Variants in WDR27 observed in about 807,000 individuals in gnomAD.
WDR27 encodes the protein WD repeat domain 27, also known as WD repeat-containing protein 27.
Under a neutral mutation model 114.4 loss-of-function variants are expected in WDR27, and 100 were observed. The ratio of observed to expected loss-of-function variants is 0.87; its 90% CI spans 0.74 to 1.03. The LOEUF is 1.03. Among genes scored for constraint, WDR27 ranks in the 50% least tolerant of loss-of-function variants. The pLI is 0.00. For missense variants in WDR27, 1,129 were observed against 1,092.9 expected, an observed-to-expected ratio of 1.03 and a Z score of -0.47; for synonymous variants, 449 against 423.1, an observed-to-expected ratio of 1.06 and a Z score of -0.75.
intron 4 of WDR27, among the ~76,000 whole-genome samples, chr6:169,668,984 G>A (rs1410971241): frequency 1.3e-5 from 2 of 152,164 alleles, no homozygotes; most frequent in Non-Finnish European, 2.9e-5. Flanking sequence ...ACTATAACCT[G>A]TGTAGGAATA....
intron 25 of WDR27, among the ~76,000 whole-genome samples, chr6:169,540,556 A>G (rs1319434205): frequency 6.6e-6 from 1 of 151,766 alleles, no homozygotes; most frequent in Non-Finnish European, 1.5e-5. Context: ...CAGCCTCCTG[A>G]GTAGCTGGGA....
chr6:169,667,903 C>T (rs1488535219), intron 5 of WDR27, 79 bp downstream of exon 5: 157 of 1,381,486 alleles, frequency 1.1e-4, no homozygotes, highest in Non-Finnish European at 1.1e-4. Context: ...GGCCGTGAAG[C>T]AACCGCACAG....
At chr6:169,664,495 G>A (rs1037016375) in intron 7 of WDR27, 40 of 1,415,698 alleles carry the variant, frequency 2.8e-5, no homozygotes, top group African/African-American at 1.6e-4. Context: ...ACTTTCACAC[G>A]GCTGGCACAT....
At position 169,693,335 on chromosome 6, in the gene WDR27, G is replaced by A. The variant is rs564036968; in HGVS notation, c.-7-4323C>T. Among the ~76,000 whole-genome samples, 13 of 152,286 alleles carry A rather than the reference G, an allele frequency of 8.5e-5. No homozygotes were observed. In the South Asian group the frequency reaches 2.5e-3, roughly 29 times the overall value. ...CTAGCACTACAAGAAATGGTAAAAGGAGTTCTAAATCTTGAAACAAAACCT... is the reference window on the plus strand; with the variant it reads ...CTAGCACTACAAGAAATGGTAAAAGAAGTTCTAAATCTTGAAACAAAACCT... On this transcript the variant is annotated intron_variant, in intron 1 of 25. Coordinates refer to ENST00000448612, the MANE Select transcript of WDR27 (RefSeq NM_182552.5).
intron 24 of WDR27, among the ~76,000 whole-genome samples, chr6:169,578,937 C>T (rs554821670): frequency 1.1e-4 from 16 of 152,278 alleles, no homozygotes; most frequent in Admixed American, 3.3e-4. Flanking sequence ...TAGACGTCAT[C>T]ACACTCCAGG....
chr6:169,432,090 C>T, the WDR27 span, among the ~76,000 whole-genome samples: 3 of 152,144 alleles, frequency 2.0e-5, no homozygotes, highest in Admixed American at 6.6e-5. Context: ...TAAGTGAAGA[C>T]ACTTGAAAAA....
chr6:169,499,880 G>A (rs1173731617), intron 25 of WDR27, among the ~76,000 whole-genome samples: 2 of 152,220 alleles, frequency 1.3e-5, no homozygotes, highest in African/African-American at 4.8e-5. Flanking sequence ...CAGAACCCAT[G>A]CATGTTCAAT....
downstream of WDR27, among the ~76,000 whole-genome samples, chr6:169,454,463 G>A (rs1249143866): frequency 1.3e-5 from 2 of 152,136 alleles, no homozygotes; most frequent in East Asian, 3.9e-4. Flanking sequence ...AGTGATAACA[G>A]CACCTTTACT....
intron 1 of WDR27, among the ~76,000 whole-genome samples, chr6:169,699,913 T>C (rs1413130434): frequency 2.4e-5 from 3 of 123,774 alleles, no homozygotes; most frequent in South Asian, 2.8e-4. Flanking sequence ...GCCACGGAGG[T>C]TGAAGCTATA....
At chr6:169,543,492 T>A (rs1797076512) in intron 25 of WDR27, among the ~76,000 whole-genome samples, 1 of 152,180 alleles carries the variant, frequency 6.6e-6, no homozygotes, top group Non-Finnish European at 1.5e-5. Context: ...TGAAAAGTTT[T>A]AAAAATATGT....
chr6:169,635,236 G>C lies in WDR27; in HGVS notation c.2004-711C>G, dbSNP rs566222845. ...CAAAAATTAGCCAGGTGTGGTTGGG[G>C]GGCAGGTGGGGGAAGGGGGGCGCCT... is the stretch of plus-strand genomic sequence containing the variant. On this transcript the variant is annotated intron_variant, in intron 19 of 25. Coordinates refer to ENST00000448612, the MANE Select transcript of WDR27 (RefSeq NM_182552.5). Among the ~76,000 whole-genome samples, 10 of 152,132 alleles carry C rather than the reference G, an allele frequency of 6.6e-5. No homozygotes were observed. In the South Asian group the frequency reaches 2.1e-3, roughly 32 times the overall value.
chr6:169,644,337 C>G (rs982140744), intron 16 of WDR27, among the ~76,000 whole-genome samples: 2 of 151,574 alleles, frequency 1.3e-5, no homozygotes, highest in African/African-American at 4.9e-5. Context: ...TCACACGAGT[C>G]ACACTGTAGA....
rs1807887920 is a variant in WDR27, at chr6:169,601,090, C to G, written c.2424+1129G>C. On this transcript the variant is annotated intron_variant, in intron 23 of 25. Coordinates refer to ENST00000448612, the MANE Select transcript of WDR27 (RefSeq NM_182552.5). ...AGGTCGGGTTACCCACAAAGGGAAG[C>G]CCATCAGACTAACAGCTGATCTCTC... 3.3e-5 allele frequency among the ~76,000 whole-genome samples: 5 copies of G among 152,290 alleles called. 1 individual carries two copies. The Middle Eastern group carries it at 0.014, about 414-fold the overall frequency.
chr6:169,428,428 T>C, the WDR27 span, among the ~76,000 whole-genome samples: 13 of 152,238 alleles, frequency 8.5e-5, no homozygotes, highest in African/African-American at 3.1e-4. Flanking sequence ...TTGTTATGTA[T>C]TCATTATCTG....
At chr6:169,575,504 G>T (rs1802185330) in intron 24 of WDR27, among the ~76,000 whole-genome samples, 1 of 152,094 alleles carries the variant, frequency 6.6e-6, no homozygotes, top group South Asian at 2.1e-4. Context: ...CTGGGAGGTT[G>T]GTCTTATCGC....
chr6:169,659,242 C>T lies in WDR27; in HGVS notation c.1198-35G>A. The T allele has an allele frequency of 6.4e-7, 1 of 1,568,342 alleles. No homozygotes were observed. On this transcript the variant is annotated intron_variant, in intron 11 of 25. Coordinates refer to ENST00000448612, the MANE Select transcript of WDR27 (RefSeq NM_182552.5). This position sits in a 1 kb window ranked among gnomAD's most constrained non-coding sequence, Gnocchi z 4.3. ...CGCGGTTTCAACATCGTTAGCGACACCACCCAGTAAAAGCAGACGAAACGT... is the reference window on the plus strand; with the variant it reads ...CGCGGTTTCAACATCGTTAGCGACATCACCCAGTAAAAGCAGACGAAACGT...
At chr6:169,579,352 A>T (rs1038121855) in intron 24 of WDR27, among the ~76,000 whole-genome samples, 1 of 152,180 alleles carries the variant, frequency 6.6e-6, no homozygotes, top group Non-Finnish European at 1.5e-5. Context: ...TTATCATAAG[A>T]TATATGTTTT....
chr6:169,632,913 A>G, intron 21 of WDR27, 34 bp downstream of exon 21: 1 of 1,561,858 alleles, frequency 6.4e-7, no homozygotes. Context: ...ACATAGTTTT[A>G]CAGATGATAC....
chr6:169,501,879 A>G (rs1395535704), intron 25 of WDR27, among the ~76,000 whole-genome samples: 2 of 151,984 alleles, frequency 1.3e-5, no homozygotes, highest in Admixed American at 1.3e-4. Context: ...ATGAAGCAAG[A>G]CCTCCCTACA....
Sources: allele counts gnomAD v4.1 joint callset (sites outside exome capture counted in the v4.1 genomes callset), GRCh38; gene constraint gnomAD v4.1.1; non-coding constraint Gnocchi (gnomAD v3.1); transcripts MANE v1.5; gene names NCBI Gene and HGNC (gene_info 2026-07-23, HGNC 2026-07-21).